MED15: variants seen among roughly 807,000 people sequenced by gnomAD.
MED15 encodes the protein mediator complex subunit 15, also known as mediator of RNA polymerase II transcription subunit 15.
MED15 carries 41 observed loss-of-function variants against 118.7 expected under a neutral mutation model. The observed-to-expected ratio is 0.35, with a 90% CI of 0.27 to 0.45. The LOEUF is 0.45. Ranked by LOEUF, MED15 falls within the 20% of genes least tolerant of loss-of-function variation. MED15 has a pLI of 1.00. For synonymous variants in MED15, 436 were observed against 413.9 expected (o/e 1.05, Z -0.65); for missense variants, 740 against 1,025.5 (o/e 0.72, Z 3.80).
intron 1 of MED15, among the ~76,000 whole-genome samples, chr22:20,516,836 A>G (rs778641242): frequency 5.9e-5 from 9 of 152,230 alleles, no homozygotes. Context: ...AATTTAAATC[A>G]TAAAACCAAA....
intron 1 of MED15, among the ~76,000 whole-genome samples, chr22:20,521,883 G>C (rs1053098381): frequency 1.3e-5 from 2 of 151,738 alleles, no homozygotes; most frequent in Admixed American, 6.6e-5. Context: ...GCACCACCAT[G>C]CCTGGCTAAT....
At chr22:20,509,172 G>A (rs1370387962) in intron 1 of MED15, among the ~76,000 whole-genome samples, 9 of 152,122 alleles carry the variant, frequency 5.9e-5, no homozygotes, top group Admixed American at 5.9e-4. Flanking sequence ...GAGCCCAGGA[G>A]ATGATGGAAT....
At chr22:20,583,751 A>C in intron 13 of MED15, 1 of 292,470 alleles carries the variant, frequency 3.4e-6, no homozygotes. Context: ...GCTGGTGACC[A>C]TGGGCAGGCG....
At chr22:20,533,285 G>A (rs1258548723) in intron 1 of MED15, among the ~76,000 whole-genome samples, 1 of 152,214 alleles carries the variant, frequency 6.6e-6, no homozygotes, top group African/African-American at 2.4e-5. Context: ...TCTGAAAAGC[G>A]CCAGGCCAGC....
At chr22:20,544,653 G>A (rs1336829160) in intron 2 of MED15, among the ~76,000 whole-genome samples, 1 of 152,164 alleles carries the variant, frequency 6.6e-6, no homozygotes, top group African/African-American at 2.4e-5. Flanking sequence ...GTGACAGAGT[G>A]AGACTCTGTC....
At chr22:20,554,759 C>T (rs1023014227) in intron 4 of MED15, 177 bp from the exon 5 acceptor site, 12 of 603,680 alleles carry the variant, frequency 2.0e-5, no homozygotes, top group Middle Eastern at 4.4e-4. Flanking sequence ...ACACACCTGG[C>T]GTCCTAGCCA....
chr22:20,515,777 T>C (rs1343590054), intron 1 of MED15, among the ~76,000 whole-genome samples: 1 of 149,112 alleles, frequency 6.7e-6, no homozygotes, highest in Admixed American at 6.7e-5. Flanking sequence ...AGAGTGAGAC[T>C]CAGTCTCAAA....
At chr22:20,576,089 C>T (rs2056817220) in intron 9 of MED15, among the ~76,000 whole-genome samples, 1 of 152,208 alleles carries the variant, frequency 6.6e-6, no homozygotes, top group African/African-American at 2.4e-5. Flanking sequence ...TACTCCATGG[C>T]ATAGTCATTT....
chr22:20,582,652 G>C lies in MED15; in HGVS notation c.1314G>C (p.Pro438=), dbSNP rs768681509. The C allele has an allele frequency of 1.0e-5, 16 of 1,588,888 alleles. No individual in the cohort carries two copies. The highest frequency in any genetic ancestry group is 1.4e-5 in the Non-Finnish European group (16 of 1,174,034). The change falls in exon 10 of 18, where the codon CCG becomes CCC. Residue 438 remains proline (P), a synonymous_variant. Transcript: ENST00000263205. ...SSLPMLSSPS[P]GQQVQTPQSM... Reference sequence around the variant, plus strand: ...TCCCCATGCTGTCCTCGCCGTCACCGGGCCAGCAGGTGCAGACCCCGCAGT... The same window carrying C: ...TCCCCATGCTGTCCTCGCCGTCACCCGGCCAGCAGGTGCAGACCCCGCAGT...
chr22:20,583,047 C>A, intron 11 of MED15, 66 bp from the exon 12 acceptor site: 1 of 1,563,372 alleles, frequency 6.4e-7, no homozygotes, highest in South Asian at 1.2e-5. Context: ...AGCTCTGGGG[C>A]CCTCAGAGCT....
At chr22:20,583,551 C>A in intron 13 of MED15, 158 bp downstream of exon 13, 2 of 820,958 alleles carry the variant, frequency 2.4e-6, no homozygotes, top group Non-Finnish European at 3.8e-6. Flanking sequence ...TGTGCTGGGG[C>A]TTCAAGCCCA....
At position 20,584,971 on chromosome 22, in the gene MED15, C is replaced by T; in HGVS notation, c.1920C>T (p.Arg640=). 1.9e-6 allele frequency: 3 copies of T among 1,614,068 alleles called. No individual in the cohort carries two copies. Among genetic ancestry groups the T allele is most frequent in the Non-Finnish European group, 2.5e-6 (3 of 1,180,036 alleles). The change falls in exon 15 of 18, where the codon CGC becomes CGT. Residue 640 remains arginine, a synonymous_variant. Transcript: ENST00000263205. ...CTGTCTTCAACCATTCCCTGTACCG[C>T]ACATTCGTTCCAGCCATGACCGCCA... ...RSPVFNHSLY[R]TFVPAMTAIH... is the part of the protein sequence containing the mutation.
intron 4 of MED15, chr22:20,554,682 T>A: frequency 2.7e-6 from 1 of 375,270 alleles, no homozygotes; most frequent in South Asian, 8.0e-5. Context: ...ATCAGAGAGG[T>A]CATTTGTCCC....
At chr22:20,517,673 T>C (rs901444764) in intron 1 of MED15, among the ~76,000 whole-genome samples, 2 of 152,148 alleles carry the variant, frequency 1.3e-5, no homozygotes, top group African/African-American at 2.4e-5. Flanking sequence ...AGGACTGCTG[T>C]AGCAGGGGGA....
In MED15 at chr22:20,555,002, C is replaced by T; in HGVS notation, c.305C>T (p.Pro102Leu). The T allele has an allele frequency of 6.2e-7, 1 of 1,612,126 alleles. No homozygotes were observed. Among genetic ancestry groups the T allele is most frequent in the Non-Finnish European group, 8.5e-7 (1 of 1,180,016 alleles). Residue 102 changes from proline to leucine, a missense_variant, in exon 5 of 18, where the codon CCT becomes CTT. Physicochemically the swap from Pro to Leu is moderately conservative, Grantham distance 98. Transcript: ENST00000263205. ...PAAGAAGIGM[P>L]PRGPGQSLGG... ...GCGGGAGCCGCTGGAATTGGCATGC[C>T]TCCTCGGGGCCCGGGACAGTCTCTG...
intron 5 of MED15, among the ~76,000 whole-genome samples, chr22:20,563,721 A>G (rs573657715): frequency 2.0e-5 from 3 of 152,376 alleles, no homozygotes; most frequent in African/African-American, 7.2e-5. Context: ...TGGGCAAAGT[A>G]TACAAAGGAT....
At chr22:20,551,553 C>T (rs761437534) in intron 3 of MED15, 66 bp downstream of exon 3, 70 of 1,480,206 alleles carry the variant, frequency 4.7e-5, no homozygotes, top group Non-Finnish European at 5.8e-5. Flanking sequence ...GACGCTGCCT[C>T]GGCAGAGCTT....
At position 20,507,757 on chromosome 22, in the gene MED15, G is replaced by A. The variant is rs755550655; in HGVS notation, c.68+11G>A. ...GCTGGTCAGTCAAATGTGAGTAGTG[G>A]TCGGGGCAGGGGGCTGGATTGTGGG... On this transcript the variant is annotated intron_variant, in intron 1 of 17. Coordinates refer to ENST00000263205, the MANE Select transcript of MED15 (RefSeq NM_001003891.3). 8.7e-6 allele frequency: 14 copies of A among 1,613,904 alleles called. No individual in the cohort carries two copies. Among genetic ancestry groups the A allele is most frequent in the African/African-American group, 1.3e-5 (1 of 74,946 alleles).
At chr22:20,509,710 T>G (rs1007996463) in intron 1 of MED15, among the ~76,000 whole-genome samples, 1 of 152,166 alleles carries the variant, frequency 6.6e-6, no homozygotes, top group Middle Eastern at 3.2e-3. Context: ...AAGAATAGCC[T>G]TGGGATATTT....
Sources: allele counts gnomAD v4.1 joint callset (sites outside exome capture counted in the v4.1 genomes callset), GRCh38; gene constraint gnomAD v4.1.1; transcripts MANE v1.5; gene names NCBI Gene and HGNC (gene_info 2026-07-23, HGNC 2026-07-21).